The following ATG4C variants were observed in gnomAD, a reference collection of about 807,000 sequenced individuals.
The protein encoded by ATG4C is autophagy related 4C cysteine peptidase.
ATG4C carries 56 observed loss-of-function variants against 57.6 expected under a neutral mutation model. The ratio of observed to expected loss-of-function variants is 0.97; its 90% CI spans 0.78 to 1.21. ATG4C has a LOEUF of 1.21. Ranked by LOEUF, ATG4C falls within the 50% of genes most tolerant of loss-of-function variation. ATG4C has a pLI of 0.00. For missense variants in ATG4C, 595 were observed against 529.8 expected (o/e 1.12, Z -1.21); for synonymous variants, 157 against 174.1 (o/e 0.90, Z 0.78).
intron 3 of ATG4C, among the ~76,000 whole-genome samples, chr1:62,807,068 A>T (rs1388884007): frequency 6.6e-6 from 1 of 152,168 alleles, no homozygotes; most frequent in Non-Finnish European, 1.5e-5. Context: ...ATTTTTAGTA[A>T]TCATTTGTTG....
At chr1:62,830,769 A>G (rs910741726) in intron 7 of ATG4C, among the ~76,000 whole-genome samples, 1 of 152,158 alleles carries the variant, frequency 6.6e-6, no homozygotes, top group East Asian at 1.9e-4. Context: ...AAGACAAATT[A>G]GGACTTTTCT....
chr1:62,785,063 CTT>C (rs1297903039), intron 1 of ATG4C, among the ~76,000 whole-genome samples: 1 of 152,190 alleles, frequency 6.6e-6, no homozygotes, highest in East Asian at 1.9e-4. Context: ...CGTCTTACAT[CTT>C]TTTATATCCG....
chr1:62,833,798 ATGT>A (rs1381697579), intron 7 of ATG4C, among the ~76,000 whole-genome samples: 2 of 152,134 alleles, frequency 1.3e-5, no homozygotes, highest in Non-Finnish European at 2.9e-5. Flanking sequence ...TAGTTGTTTA[ATGT>A]TGTTGAGCAA....
intron 4 of ATG4C, among the ~76,000 whole-genome samples, chr1:62,817,512 A>T (rs1464072354): frequency 1.3e-5 from 2 of 152,008 alleles, no homozygotes; most frequent in African/African-American, 2.4e-5. Context: ...TGGTTAGCTA[A>T]TTTTTAAATT....
intron 1 of ATG4C, among the ~76,000 whole-genome samples, chr1:62,794,860 GA>G (rs11291578): frequency 0.25 from 38,219 of 152,028 alleles, 6,747 homozygotes; most frequent in African/African-American, 0.5. Flanking sequence ...GAAGAAATGA[GA>G]AGCAGAGATG....
At chr1:62,855,729 A>G (rs1179911379) in intron 10 of ATG4C, among the ~76,000 whole-genome samples, 1 of 152,222 alleles carries the variant, frequency 6.6e-6, no homozygotes, top group Non-Finnish European at 1.5e-5. Flanking sequence ...TCTCCATTTT[A>G]CAGATAAGGA....
At chr1:62,817,825 T>C (rs1298251880) in intron 4 of ATG4C, among the ~76,000 whole-genome samples, 1 of 152,244 alleles carries the variant, frequency 6.6e-6, no homozygotes, top group East Asian at 1.9e-4. Flanking sequence ...TATTTGATTA[T>C]TAAATATTGT....
chr1:62,818,649 C>G (rs1267438452), intron 4 of ATG4C, among the ~76,000 whole-genome samples: 1 of 151,846 alleles, frequency 6.6e-6, no homozygotes, highest in Non-Finnish European at 1.5e-5. Context: ...TTGTCTTGTA[C>G]CTTTGTTTTT....
At chr1:62,814,827 G>A (rs1665210901) in intron 3 of ATG4C, among the ~76,000 whole-genome samples, 2 of 152,184 alleles carry the variant, frequency 1.3e-5, no homozygotes, top group African/African-American at 2.4e-5. Flanking sequence ...CACTTTGGGA[G>A]TCCAAGGCAA....
At position 62,819,080 on chromosome 1, in the gene ATG4C, T is replaced by C; in HGVS notation, c.470T>C (p.Phe157Ser). 6.2e-7 allele frequency: 1 copy of C among 1,609,800 alleles called. No individual in the cohort carries two copies. Among genetic ancestry groups the C allele is most frequent in the Non-Finnish European group, 8.5e-7 (1 of 1,178,230 alleles). The change falls in exon 5 of 11, where the codon TTT (phenylalanine) becomes TCT (serine). Residue 157 changes from phenylalanine to serine, a missense_variant. Phe to Ser is a radical substitution (Grantham distance 155). Coordinates refer to ENST00000317868, the MANE Select transcript of ATG4C (RefSeq NM_032852.4). The stretch of plus-strand genomic sequence containing the variant: ...TGGACTTCCCACACTGTCAAAAAAT[T>C]TACTGCATCATTTGAAGCATCACTT... ...ESWTSHTVKK[F>S]TASFEASLSG...
chr1:62,785,511 A>T (rs1444711115), intron 1 of ATG4C, among the ~76,000 whole-genome samples: 3 of 152,194 alleles, frequency 2.0e-5, no homozygotes, highest in Non-Finnish European at 4.4e-5. Flanking sequence ...AAATGTATTT[A>T]TGGTGATTGG....
intron 1 of ATG4C, among the ~76,000 whole-genome samples, chr1:62,795,204 C>T (rs1315950567): frequency 6.6e-6 from 1 of 152,146 alleles, no homozygotes; most frequent in Non-Finnish European, 1.5e-5. Context: ...GCCTTAAATC[C>T]TCAGTGGATA....
At chr1:62,853,620 ATT>A (rs1180893860) in intron 10 of ATG4C, among the ~76,000 whole-genome samples, 15 of 151,834 alleles carry the variant, frequency 9.9e-5, no homozygotes. Flanking sequence ...TAATTTTTAC[ATT>A]TTTTGTAGAG....
rs984496921 is a variant in ATG4C at position 62,805,346 on chromosome 1, G to A, written c.160+91G>A. ...TTTATTTCTAGATTAATCTACTTTT[G>A]CAGTATTTCTTTTAAGTATTTGTAT... On this transcript the variant is annotated intron_variant, in intron 3 of 10. Transcript: ENST00000317868. 5.2e-6 allele frequency: 7 copies of A among 1,346,160 alleles called. No individual in the cohort carries two copies. In the Admixed American group the frequency reaches 1.2e-4, roughly 22 times the overall value. The allele number at this position is 1,346,160 out of a possible 1,614,324, so 83.4% of individuals were successfully genotyped here.
At chr1:62,802,430 G>A (rs546134561) in intron 1 of ATG4C, among the ~76,000 whole-genome samples, 3 of 149,164 alleles carry the variant, frequency 2.0e-5, no homozygotes, top group Non-Finnish European at 4.4e-5. Context: ...TCGGATTAAC[G>A]ATCCTCAACT....
intron 1 of ATG4C, among the ~76,000 whole-genome samples, chr1:62,793,096 C>T (rs1316771715): frequency 2.0e-5 from 3 of 151,620 alleles, no homozygotes; most frequent in Admixed American, 6.6e-5. Flanking sequence ...CCGTGTTAGC[C>T]AGGATGGTCT....
At chr1:62,797,772 T>G (rs1439430930) in intron 1 of ATG4C, among the ~76,000 whole-genome samples, 1 of 152,176 alleles carries the variant, frequency 6.6e-6, no homozygotes, top group African/African-American at 2.4e-5. Context: ...TTTATTTAAT[T>G]ACATTTTCCT....
intron 10 of ATG4C, among the ~76,000 whole-genome samples, chr1:62,849,479 G>T (rs549808208): frequency 6.6e-6 from 1 of 151,528 alleles, no homozygotes; most frequent in Non-Finnish European, 1.5e-5. Flanking sequence ...ATTGCTCTCA[G>T]ATGCTTTCCA....
intron 1 of ATG4C, among the ~76,000 whole-genome samples, chr1:62,790,828 A>C (rs1664252542): frequency 6.6e-6 from 1 of 152,224 alleles, no homozygotes; most frequent in Non-Finnish European, 1.5e-5. Context: ...TCCATTTGTA[A>C]ACCAAAACAA....
Sources: allele counts gnomAD v4.1 joint callset (sites outside exome capture counted in the v4.1 genomes callset), GRCh38; gene constraint gnomAD v4.1.1; transcripts MANE v1.5; gene names NCBI Gene and HGNC (gene_info 2026-07-23, HGNC 2026-07-21).